The following MYH9 variants were observed in gnomAD, a reference collection of about 807,000 sequenced individuals.
MYH9 encodes the protein myosin-9.
MYH9 carries 29 observed loss-of-function variants against 241.9 expected under a neutral mutation model. The ratio of observed to expected loss-of-function variants is 0.12; its 90% CI spans 0.09 to 0.16. The LOEUF (loss-of-function observed/expected upper bound fraction) is 0.16, where lower values mean the gene tolerates loss of function less well. Among genes scored for constraint, MYH9 ranks in the 10% least tolerant of loss-of-function variants. MYH9 has a pLI of 1.00. For missense variants in MYH9, 1,803 were observed against 2,595.5 expected, an observed-to-expected ratio of 0.69 and a Z score of 6.63; for synonymous variants, 1,047 against 1,062.6, an observed-to-expected ratio of 0.99 and a Z score of 0.29.
At chr22:36,354,564 C>T (rs2017821284) in intron 1 of MYH9, among the ~76,000 whole-genome samples, 1 of 151,700 alleles carries the variant, frequency 6.6e-6, no homozygotes, top group Admixed American at 6.6e-5. Flanking sequence ...CCGCTGCAGC[C>T]TCCCGAGTAG....
chr22:36,298,912 C>A lies in MYH9; in HGVS notation c.3100+7G>T. On this transcript the variant is annotated splice_region_variant and intron_variant, in intron 24 of 40. Coordinates refer to ENST00000216181, the MANE Select transcript of MYH9 (RefSeq NM_002473.6). Reference sequence around the variant, plus strand: ...TGCCCATCACCTCCTGCTCGTCACCCCCTCACCTTCCAAGTCAGTGATCAT... The same window carrying A: ...TGCCCATCACCTCCTGCTCGTCACCACCTCACCTTCCAAGTCAGTGATCAT... The A allele has an allele frequency of 6.2e-7, 1 of 1,613,704 alleles. No homozygotes were observed. The highest frequency in any genetic ancestry group is 1.1e-5 in the South Asian group (1 of 91,044).
At chr22:36,340,763 G>A (rs536800365) in intron 3 of MYH9, among the ~76,000 whole-genome samples, 1 of 152,252 alleles carries the variant, frequency 6.6e-6, no homozygotes, top group South Asian at 2.1e-4. Flanking sequence ...GCAACACACA[G>A]GTCATACATA....
intron 1 of MYH9, among the ~76,000 whole-genome samples, chr22:36,368,715 T>C (rs2018046894): frequency 1.3e-5 from 2 of 152,056 alleles, no homozygotes; most frequent in African/African-American, 4.8e-5. Flanking sequence ...CAGCTGTCTA[T>C]ATCGCCCTAA....
At chr22:36,368,381 C>G (rs1394852000) in intron 1 of MYH9, among the ~76,000 whole-genome samples, 1 of 152,194 alleles carries the variant, frequency 6.6e-6, no homozygotes, top group East Asian at 1.9e-4. Context: ...TGTCTGTACC[C>G]TGCAGGTCTC....
In MYH9 at chr22:36,306,557, G is replaced by A. The variant is rs774818812; in HGVS notation, c.1894C>T (p.Leu632=). Reference sequence around the variant, plus strand: ...TTCCGCGTCTTGAAGGCCCCGGGCAGTGCGGTCTCCGACATGCCGGCCACC... The same window carrying A: ...TTCCGCGTCTTGAAGGCCCCGGGCAATGCGGTCTCCGACATGCCGGCCACC... ...DQVAGMSETA[L]PGAFKTRKGM... Residue 632 remains leucine, a synonymous_variant, in exon 16 of 41, where the codon CTG becomes TTG. Transcript: ENST00000216181. The surrounding 1 kb of genome is among the most constrained non-coding windows in gnomAD (Gnocchi z 4.1). 40 of 1,613,896 alleles carry A rather than the reference G, an allele frequency of 2.5e-5. No homozygotes were observed. The highest frequency in any genetic ancestry group is 3.2e-5 in the Non-Finnish European group (38 of 1,180,044).
intron 1 of MYH9, among the ~76,000 whole-genome samples, chr22:36,356,662 T>C (rs1024137825): frequency 2.0e-5 from 3 of 151,716 alleles, no homozygotes; most frequent in Non-Finnish European, 4.4e-5. Context: ...CTCATTTGAT[T>C]CACTTATTCA....
intron 3 of MYH9, among the ~76,000 whole-genome samples, chr22:36,335,828 G>A (rs898566878): frequency 2.6e-5 from 4 of 152,338 alleles, no homozygotes; most frequent in South Asian, 2.1e-4. Flanking sequence ...GGCTCTCTGC[G>A]GGCTTTTCGA....
intron 1 of MYH9, among the ~76,000 whole-genome samples, chr22:36,372,911 G>A (rs1027229512): frequency 6.6e-6 from 1 of 151,856 alleles, no homozygotes; most frequent in Non-Finnish European, 1.5e-5. Context: ...GAGGCCGAAA[G>A]AGGCAGCCAC....
At chr22:36,315,104 A>C (rs2017129856) in intron 12 of MYH9, among the ~76,000 whole-genome samples, 1 of 152,140 alleles carries the variant, frequency 6.6e-6, no homozygotes, top group Non-Finnish European at 1.5e-5. Context: ...CTTATTAACA[A>C]GAACTAGCCA....
rs537768633 is a variant in MYH9 at position 36,348,820 on chromosome 22, G to A, written c.333+84C>T. 88 of 1,227,392 alleles carry A rather than the reference G, an allele frequency of 7.2e-5. 2 individuals are homozygous for A. The Admixed American group carries it at 1.2e-3, about 17-fold the overall frequency. The allele number at this position is 1,227,392 out of a possible 1,614,324, so 76.0% of individuals were successfully genotyped here. ...AACCAGAGAGCCAGGGCCCAGGCAC[G>A]TGAGGGTGATGGGAAGACCCGCCCC... On this transcript the variant is annotated intron_variant, in intron 2 of 40. Transcript: ENST00000216181.
intron 11 of MYH9, 100 bp from the exon 12 acceptor site, chr22:36,316,769 G>T: frequency 7.3e-7 from 1 of 1,375,748 alleles, no homozygotes; most frequent in Non-Finnish European, 1.0e-6. Context: ...CCTCCCCCTA[G>T]AGGAACAGCC....
Position 36,288,161 on chromosome 22 carries a change from G to C in MYH9, c.4932+91C>G. The stretch of plus-strand genomic sequence containing the variant: ...TTCCCAGGAGGTGCCACCCTGCCAG[G>C]TTCCCGCCCTGGGCCGAGCCCTGGC... On this transcript the variant is annotated intron_variant, in intron 34 of 40. Coordinates refer to ENST00000216181, the MANE Select transcript of MYH9 (RefSeq NM_002473.6). This position sits in a 1 kb window ranked among gnomAD's most constrained non-coding sequence, Gnocchi z 4.8. 6.5e-7 allele frequency: 1 copy of C among 1,536,106 alleles called. No individual in the cohort carries two copies. Among genetic ancestry groups the C allele is most frequent in the Non-Finnish European group, 8.9e-7 (1 of 1,122,000 alleles).
chr22:36,284,640 T>C (rs1050722022), intron 38 of MYH9, 129 bp from the exon 39 acceptor site: 2 of 841,930 alleles, frequency 2.4e-6, no homozygotes, highest in Non-Finnish European at 2.0e-6. Context: ...AGGCCTTTGC[T>C]AGACACCTAT....
rs371796329 is a variant in MYH9, at chr22:36,291,888, A to G, written c.4344+98T>C. 3.0e-5 allele frequency: 48 copies of G among 1,585,056 alleles called. No homozygotes were observed. The African/African-American group carries it at 6.2e-4, about 20-fold the overall frequency. On this transcript the variant is annotated intron_variant, in intron 31 of 40. Coordinates refer to ENST00000216181, the MANE Select transcript of MYH9 (RefSeq NM_002473.6). ...CCCCGCACGGCCCCTCCCCGGCGAG[A>G]CCCTGAGGGAGCCCAGGCTTTCTCT...
chr22:36,321,708 T>C, intron 7 of MYH9, 50 bp downstream of exon 7: 2 of 1,547,920 alleles, frequency 1.3e-6, no homozygotes, highest in Non-Finnish European at 1.8e-6. Context: ...ACAGAGGTCA[T>C]GCCTCCCCTC....
At chr22:36,331,933 A>C (rs2146374848) in intron 3 of MYH9, among the ~76,000 whole-genome samples, 1 of 152,356 alleles carries the variant, frequency 6.6e-6, no homozygotes, top group Admixed American at 6.5e-5. Flanking sequence ...AAATGGGACC[A>C]AAACTTTCCA....
chr22:36,346,391 C>A (rs116903206), intron 2 of MYH9, among the ~76,000 whole-genome samples: 5,580 of 152,234 alleles, frequency 0.037, 132 homozygotes, highest in South Asian at 0.058. Context: ...CATTGCAGGG[C>A]ACTCAGAAGC....
intron 1 of MYH9, among the ~76,000 whole-genome samples, chr22:36,364,628 C>T (rs187964028): frequency 2.0e-5 from 3 of 152,180 alleles, no homozygotes; most frequent in East Asian, 1.9e-4. Flanking sequence ...CTATATCTGC[C>T]GTACACTAAT....
chr22:36,378,721 C>T (rs1041260041), intron 1 of MYH9, among the ~76,000 whole-genome samples: 3 of 151,842 alleles, frequency 2.0e-5, no homozygotes, highest in African/African-American at 7.3e-5. Flanking sequence ...TAGTGCCCCC[C>T]AACAAAAAAC....
Sources: allele counts gnomAD v4.1 joint callset (sites outside exome capture counted in the v4.1 genomes callset), GRCh38; gene constraint gnomAD v4.1.1; non-coding constraint Gnocchi (gnomAD v3.1); transcripts MANE v1.5; gene names NCBI Gene and HGNC (gene_info 2026-07-23, HGNC 2026-07-21).